The following KCNN2 variants were observed in gnomAD, a reference collection of about 807,000 sequenced individuals.
KCNN2 encodes the protein small conductance calcium-activated potassium channel protein 2.
KCNN2 carries 24 observed loss-of-function variants against 55.5 expected under a neutral mutation model. That is an observed-to-expected ratio of 0.43 (90% CI 0.31 to 0.61). The LOEUF is 0.61. Ranked by LOEUF, KCNN2 falls within the 20% of genes least tolerant of loss-of-function variation. KCNN2 has a pLI of 0.08. For synonymous variants in KCNN2, 431 were observed against 336.1 expected (o/e 1.28, Z -3.09); for missense variants, 754 against 853.6 (o/e 0.88, Z 1.45).
intron 2 of KCNN2, among the ~76,000 whole-genome samples, chr5:114,343,273 T>A (rs750756160): frequency 1.3e-5 from 2 of 152,174 alleles, no homozygotes; most frequent in African/African-American, 2.4e-5. Flanking sequence ...TGTTCTGTCT[T>A]TGGTTAAATT....
At chr5:114,076,112 T>G (rs1410143267) in intron 1 of KCNN2, among the ~76,000 whole-genome samples, 1 of 152,246 alleles carries the variant, frequency 6.6e-6, no homozygotes, top group Non-Finnish European at 1.5e-5. Context: ...CTTCTTTAAA[T>G]TCCTCCTCAA....
At position 114,141,722 on chromosome 5, in the gene KCNN2, G is replaced by A. The variant is rs187713174; in HGVS notation, c.-270-79758G>A. ...ATTCGCCACACTGTCTTCCACAATG[G>A]TTGAACTAGTTTACACTCCCACCAG... On this transcript the variant is annotated intron_variant, in intron 1 of 10. Transcript: ENST00000512097. Among the ~76,000 whole-genome samples the A allele has an allele frequency of 3.6e-3, 553 of 152,300 alleles. 1 individual carries two copies. The highest frequency in any genetic ancestry group is 6.6e-3 in the Non-Finnish European group (448 of 68,026).
At chr5:114,257,123 C>T (rs1381446545) in intron 2 of KCNN2, among the ~76,000 whole-genome samples, 1 of 152,028 alleles carries the variant, frequency 6.6e-6, no homozygotes, top group East Asian at 1.9e-4. Context: ...GGTGTCCTTT[C>T]CCTAGTGTAT....
At chr5:114,193,681 T>G (rs902956682) in intron 1 of KCNN2, among the ~76,000 whole-genome samples, 2 of 152,156 alleles carry the variant, frequency 1.3e-5, no homozygotes, top group Non-Finnish European at 2.9e-5. Flanking sequence ...TCTATTAAAG[T>G]TTGCACACAT....
At chr5:114,218,865 C>T (rs752743537) in intron 1 of KCNN2, among the ~76,000 whole-genome samples, 3 of 152,130 alleles carry the variant, frequency 2.0e-5, no homozygotes, top group East Asian at 1.9e-4. Flanking sequence ...CTTTGAAGCA[C>T]GATATTTCTC....
chr5:114,488,634 C>G (rs1195079205), intron 6 of KCNN2, among the ~76,000 whole-genome samples: 1 of 152,094 alleles, frequency 6.6e-6, no homozygotes, highest in Non-Finnish European at 1.5e-5. Context: ...TTCTCCCAAC[C>G]CAGAGATGCT....
chr5:114,071,843 A>T (rs879823797), intron 1 of KCNN2, among the ~76,000 whole-genome samples: 1 of 152,218 alleles, frequency 6.6e-6, no homozygotes. Context: ...GTGTCCCCCA[A>T]AGTTCACATG....
chr5:114,170,339 A>G (rs903820107), intron 1 of KCNN2, among the ~76,000 whole-genome samples: 1 of 152,130 alleles, frequency 6.6e-6, no homozygotes, highest in Non-Finnish European at 1.5e-5. Flanking sequence ...TTGTGCATAA[A>G]TAAGATCCTA....
exon 1 of KCNN2, chr5:114,056,438 C>A: frequency 2.5e-6 from 1 of 398,628 alleles, no homozygotes; most frequent in Non-Finnish European, 4.4e-6. Flanking sequence ...ACCAAGGCCG[C>A]ATTTACCGCT....
intron 2 of KCNN2, among the ~76,000 whole-genome samples, chr5:114,296,908 C>T (rs947421200): frequency 6.6e-6 from 1 of 152,072 alleles, no homozygotes; most frequent in Non-Finnish European, 1.5e-5. Flanking sequence ...ACAAAGCAAA[C>T]ATTTAGTCAT....
chr5:114,458,961 G>A (rs992009962), intron 3 of KCNN2, among the ~76,000 whole-genome samples: 2 of 152,218 alleles, frequency 1.3e-5, no homozygotes, highest in Admixed American at 6.5e-5. Flanking sequence ...GGAGGCAGGA[G>A]CGCAGGCCAG....
chr5:114,455,982 G>A (rs572821843), intron 3 of KCNN2, among the ~76,000 whole-genome samples: 1 of 152,354 alleles, frequency 6.6e-6, no homozygotes, highest in Admixed American at 6.5e-5. Flanking sequence ...TAAAAGCAAG[G>A]TGAAGCAGGA....
intron 2 of KCNN2, among the ~76,000 whole-genome samples, chr5:114,354,155 G>A (rs1757258574): frequency 6.6e-6 from 1 of 151,608 alleles, no homozygotes; most frequent in Admixed American, 6.6e-5. Context: ...CTTCATCAGT[G>A]TATTTTCAGT....
intron 1 of KCNN2, among the ~76,000 whole-genome samples, chr5:114,064,947 C>T (rs1160333614): frequency 6.6e-6 from 1 of 152,126 alleles, no homozygotes; most frequent in Non-Finnish European, 1.5e-5. Flanking sequence ...GCTTAGGGTG[C>T]TGTTAGTTTT....
chr5:114,270,349 A>G (rs1334085220), intron 2 of KCNN2, among the ~76,000 whole-genome samples: 3 of 152,348 alleles, frequency 2.0e-5, no homozygotes, highest in South Asian at 2.1e-4. Flanking sequence ...ATGCGCTAAC[A>G]TACTATAAAA....
In KCNN2 at chr5:114,449,908, A is replaced by ACACACACACACACACACACGCGCG. The variant is rs1309590184; in HGVS notation, c.1638-13140_1638-13139insACACACACACACACACACGCGCGC. The stretch of plus-strand genomic sequence containing the variant: ...CACACACACACACACACACACACAC[A>ACACACACACACACACACACGCGCG]CGCGCGCGCTCGCGTGCGCGCACTC... On this transcript the variant is annotated intron_variant, in intron 3 of 7. Transcript: ENST00000673685. 2.9e-3 allele frequency among the ~76,000 whole-genome samples: 193 copies of ACACACACACACACACACACGCGCG among 66,118 alleles called. 1 individual carries two copies. Among genetic ancestry groups the ACACACACACACACACACACGCGCG allele is most frequent in the East Asian group, 6.2e-3 (2 of 324 alleles). 43.4% of individuals were successfully genotyped at this position (66,118 alleles called of 152,430 possible). A position where few individuals can be genotyped will look rare whatever the true frequency, so the allele number is the denominator to read the frequency against.
chr5:114,413,641 T>C (rs147316201), intron 3 of KCNN2, among the ~76,000 whole-genome samples: 1 of 152,170 alleles, frequency 6.6e-6, no homozygotes, highest in African/African-American at 2.4e-5. Flanking sequence ...TAATGAGGAA[T>C]AGTATTTGTT....
intron 6 of KCNN2, 69 bp downstream of exon 6, chr5:114,487,246 C>G (rs1377113619): frequency 1.4e-6 from 2 of 1,412,558 alleles, no homozygotes; most frequent in Admixed American, 4.0e-5. Flanking sequence ...CTTGTTTATT[C>G]TTGTTTCATA....
intron 2 of KCNN2, among the ~76,000 whole-genome samples, chr5:114,320,327 A>G (rs1441352249): frequency 1.3e-5 from 2 of 152,112 alleles, no homozygotes; most frequent in Admixed American, 1.3e-4. Flanking sequence ...GAAAACATTC[A>G]TCCAGGCCGG....
Sources: allele counts gnomAD v4.1 joint callset (sites outside exome capture counted in the v4.1 genomes callset), GRCh38; gene constraint gnomAD v4.1.1; transcripts MANE v1.5; gene names NCBI Gene and HGNC (gene_info 2026-07-23, HGNC 2026-07-21).